The following ODF2L variants were observed in gnomAD, a reference collection of about 807,000 sequenced individuals.
The protein encoded by ODF2L is outer dense fiber of sperm tails 2 like.
Under a neutral mutation model 86.3 loss-of-function variants are expected in ODF2L, and 76 were observed. The ratio of observed to expected loss-of-function variants is 0.88; its 90% CI spans 0.73 to 1.07. The LOEUF is 1.07. Ranked by LOEUF, ODF2L falls within the 50% of genes least tolerant of loss-of-function variation. The pLI is 0.00. For synonymous variants in ODF2L, 241 were observed against 231.3 expected (o/e 1.04, Z -0.38); for missense variants, 748 against 717.4 (o/e 1.04, Z -0.49).
intron 11 of ODF2L, among the ~76,000 whole-genome samples, chr1:86,361,881 C>T (rs776770974): frequency 3.3e-5 from 5 of 152,098 alleles, no homozygotes; most frequent in Admixed American, 1.3e-4. Context: ...ACAAAACAGA[C>T]GACATTCCCT....
At chr1:86,372,501 A>T in exon 9 of ODF2L, 1 of 1,528,956 alleles carries the variant, frequency 6.5e-7, no homozygotes, top group Middle Eastern at 2.1e-4. Flanking sequence ...TGACTTTTCC[A>T]GGCATTGGAA....
At chr1:86,372,890 T>C (rs550584124) in intron 8 of ODF2L, among the ~76,000 whole-genome samples, 15 of 152,310 alleles carry the variant, frequency 9.8e-5, no homozygotes, top group African/African-American at 3.6e-4. Flanking sequence ...TATCGTATGT[T>C]CTCACTCATA....
intron 12 of ODF2L, among the ~76,000 whole-genome samples, chr1:86,359,585 G>A (rs1357956582): frequency 7.1e-6 from 1 of 141,520 alleles, no homozygotes; most frequent in Non-Finnish European, 1.5e-5. Context: ...GCACATTGGT[G>A]CAGTCTCGGC....
chr1:86,373,736 G>A (rs954833552), intron 8 of ODF2L, among the ~76,000 whole-genome samples: 1 of 151,768 alleles, frequency 6.6e-6, no homozygotes, highest in Non-Finnish European at 1.5e-5. Flanking sequence ...ATTTGGTGAT[G>A]TACCTTACTT....
At chr1:86,354,084 T>C (rs763595082) in intron 16 of ODF2L, among the ~76,000 whole-genome samples, 23 of 152,220 alleles carry the variant, frequency 1.5e-4, no homozygotes, top group African/African-American at 5.3e-4. Context: ...CACTAGCAGA[T>C]TGCCTGATAC....
chr1:86,370,238 G>A (rs918406342), intron 10 of ODF2L, among the ~76,000 whole-genome samples: 1 of 151,750 alleles, frequency 6.6e-6, no homozygotes, highest in Non-Finnish European at 1.5e-5. Flanking sequence ...ATGTCTTAAG[G>A]ACATCTTAAT....
At chr1:86,369,365 A>C (rs750663014) in intron 10 of ODF2L, among the ~76,000 whole-genome samples, 12 of 152,238 alleles carry the variant, frequency 7.9e-5, no homozygotes, top group Non-Finnish European at 1.5e-4. Flanking sequence ...AATACATTAA[A>C]GGTGAGAAAA....
exon 15 of ODF2L, chr1:86,354,786 T>C: frequency 1.3e-6 from 2 of 1,592,918 alleles, no homozygotes; most frequent in Non-Finnish European, 8.6e-7. Flanking sequence ...TTGAAGGTTT[T>C]CACACTTCAG....
exon 16 of ODF2L, chr1:86,354,578 T>C: frequency 1.9e-6 from 3 of 1,609,726 alleles, no homozygotes; most frequent in Admixed American, 1.7e-5. Context: ...TGGCCAATGC[T>C]GTATACTCTG....
rs1251565267 is a variant in ODF2L, at chr1:86,371,010, C to T, written c.1056+8G>A. The T allele has an allele frequency of 6.4e-7, 1 of 1,553,642 alleles. No individual in the cohort carries two copies. Among genetic ancestry groups the T allele is most frequent in the Non-Finnish European group, 8.7e-7 (1 of 1,149,894 alleles). ...ATACATGCCTGCTCAAACACTCATACATAGTACCTTTAATTTTGTATTCTC... is the reference window on the plus strand; with the variant it reads ...ATACATGCCTGCTCAAACACTCATATATAGTACCTTTAATTTTGTATTCTC... On this transcript the variant is annotated splice_region_variant and intron_variant, in intron 10 of 17. Transcript: ENST00000317336.
intron 12 of ODF2L, among the ~76,000 whole-genome samples, chr1:86,360,176 G>A (rs35950578): frequency 0.038 from 5,823 of 152,096 alleles, 179 homozygotes; most frequent in African/African-American, 0.08. Context: ...ACATTATACC[G>A]ATGTAATTCA....
intron 7 of ODF2L, among the ~76,000 whole-genome samples, chr1:86,378,696 T>A (rs1056345358): frequency 5.9e-5 from 9 of 151,956 alleles, no homozygotes; most frequent in Non-Finnish European, 1.3e-4. Context: ...GGAAGCCCCT[T>A]ATAAAACCAT....
At chr1:86,383,940 C>T (rs922717320) in intron 4 of ODF2L, among the ~76,000 whole-genome samples, 1 of 151,638 alleles carries the variant, frequency 6.6e-6, no homozygotes, top group Non-Finnish European at 1.5e-5. Flanking sequence ...TAAAACACCA[C>T]GTATATATGC....
intron 7 of ODF2L, among the ~76,000 whole-genome samples, chr1:86,379,562 C>T (rs181874375): frequency 1.8e-3 from 266 of 151,994 alleles, no homozygotes; most frequent in African/African-American, 6.0e-3. Context: ...TGGTAGCTCC[C>T]CAAATATATT....
chr1:86,386,913 AC>A lies in ODF2L; in HGVS notation c.113+1del. Reference sequence around the variant, plus strand: ...GATTTCCCCTGATACTGATGAGAATACCAGCTGAGATGACTTTCACTGGTAC... The same window carrying A: ...GATTTCCCCTGATACTGATGAGAATACAGCTGAGATGACTTTCACTGGTAC... On this transcript the variant is annotated splice_donor_variant, in intron 2 of 17. Transcript: ENST00000317336. LOFTEE classifies it high-confidence loss of function. 6.8e-7 allele frequency: 1 copy of A among 1,464,636 alleles called. No individual in the cohort carries two copies. The highest frequency in any genetic ancestry group is 1.2e-5 in the South Asian group (1 of 86,500). 90.7% of individuals were successfully genotyped at this position (1,464,636 alleles called of 1,614,324 possible).
chr1:86,380,379 G>C (rs1660490209), intron 7 of ODF2L, among the ~76,000 whole-genome samples: 1 of 152,066 alleles, frequency 6.6e-6, no homozygotes, highest in Non-Finnish European at 1.5e-5. Context: ...AGTAGCTGGG[G>C]AAAAACAGCA....
intron 7 of ODF2L, among the ~76,000 whole-genome samples, chr1:86,378,236 TCCAGTTCCCAA>T (rs1013218957): frequency 5.3e-5 from 8 of 152,144 alleles, no homozygotes; most frequent in African/African-American, 1.9e-4. Flanking sequence ...TCACCTTTAT[TCCAGTTCCCAA>T]GAAGTTCCTC....
intron 12 of ODF2L, among the ~76,000 whole-genome samples, chr1:86,359,669 G>A (rs187624096): frequency 5.3e-4 from 80 of 152,042 alleles, no homozygotes; most frequent in Non-Finnish European, 1.1e-3. Flanking sequence ...GACTACAGGT[G>A]CATGTCACCA....
At chr1:86,379,747 A>G (rs1660434617) in intron 7 of ODF2L, among the ~76,000 whole-genome samples, 1 of 152,244 alleles carries the variant, frequency 6.6e-6, no homozygotes, top group Non-Finnish European at 1.5e-5. Flanking sequence ...CCAATAAAGT[A>G]AATGTATGGA....
Sources: gnomAD v4.1 joint callset for allele counts (sites outside exome capture counted in the v4.1 genomes callset) on GRCh38, gnomAD v4.1.1 for gene constraint, MANE v1.5 for transcripts, NCBI Gene and HGNC (gene_info 2026-07-23, HGNC 2026-07-21) for gene names.